The following DTNA variants were observed in gnomAD, a reference collection of about 807,000 sequenced individuals.
DTNA encodes the protein dystrophin-related protein 3.
A neutral mutation model predicts 100.7 loss-of-function variants in DTNA; 43 were observed. The ratio of observed to expected loss-of-function variants is 0.43; its 90% CI spans 0.33 to 0.55. DTNA has a LOEUF of 0.55. DTNA is among the 20% of genes least tolerant of loss of function. The pLI is 0.04. For missense variants in DTNA, 798 were observed against 953.9 expected (o/e 0.84, Z 2.15); for synonymous variants, 349 against 347.9 (o/e 1.00, Z -0.04).
intron 1 of DTNA, among the ~76,000 whole-genome samples, chr18:34,632,739 C>G (rs1384265325): frequency 2.6e-5 from 4 of 152,142 alleles, no homozygotes; most frequent in Non-Finnish European, 4.4e-5. Context: ...TTTTAATTCA[C>G]TAAAGATTTT....
chr18:34,866,460 CCTTCT>C, intron 17 of DTNA: 1 of 1,243,158 alleles, frequency 8.0e-7, no homozygotes, highest in Non-Finnish European at 1.0e-6. Context: ...TTGATCAGAC[CCTTCT>C]CTTAACAGAG....
intron 1 of DTNA, among the ~76,000 whole-genome samples, chr18:34,614,240 C>G: frequency 6.6e-6 from 1 of 152,282 alleles, no homozygotes; most frequent in African/African-American, 2.4e-5. Flanking sequence ...AGATAATGTT[C>G]AAAATATTAC....
intron 1 of DTNA, among the ~76,000 whole-genome samples, chr18:34,712,518 C>T (rs1410669010): frequency 6.6e-6 from 1 of 152,112 alleles, no homozygotes; most frequent in Non-Finnish European, 1.5e-5. Context: ...GATCTTTATT[C>T]ATCTGACATT....
At chr18:34,500,584 C>T (rs1225349743) in intron 1 of DTNA, among the ~76,000 whole-genome samples, 2 of 151,646 alleles carry the variant, frequency 1.3e-5, no homozygotes, top group African/African-American at 4.9e-5. Context: ...CTGCCTCAGC[C>T]TCCTGAGTAG....
intron 1 of DTNA, among the ~76,000 whole-genome samples, chr18:34,543,367 C>T (rs1046656771): frequency 6.6e-6 from 1 of 152,030 alleles, no homozygotes; most frequent in Non-Finnish European, 1.5e-5. Context: ...AGCTGTCTTT[C>T]AGCACACAAT....
In DTNA at chr18:34,881,437, C is replaced by CTTTT. The variant is rs752828928; in HGVS notation, c.2163-610_2163-607dup. 2.5e-3 allele frequency among the ~76,000 whole-genome samples: 130 copies of CTTTT among 51,396 alleles called. 17 individuals carry two copies. Among genetic ancestry groups the CTTTT allele is most frequent in the Middle Eastern group, 0.042 (2 of 48 alleles). The allele number at this position is 51,396 out of a possible 152,430, so 33.7% of individuals were successfully genotyped here. A position where few individuals can be genotyped will look rare whatever the true frequency, so the allele number is the denominator to read the frequency against. ...ATAGTGGAATTGGATAATTAAAATG[C>CTTTT]TTTTTTTTTTTTTTTTTTTTTTTTT... is the stretch of plus-strand genomic sequence containing the variant. On this transcript the variant is annotated intron_variant, in intron 20 of 22. Transcript: ENST00000444659.
intron 10 of DTNA, 80 bp downstream of exon 10, chr18:34,827,756 G>A: frequency 1.5e-6 from 2 of 1,370,716 alleles, no homozygotes; most frequent in Non-Finnish European, 2.1e-6. Context: ...ATATTCTCAT[G>A]CAAGCCAAGG....
intron 1 of DTNA, among the ~76,000 whole-genome samples, chr18:34,744,719 C>G (rs1426794068): frequency 6.6e-6 from 1 of 152,078 alleles, no homozygotes; most frequent in Non-Finnish European, 1.5e-5. Flanking sequence ...ATTGCACAAC[C>G]CGTGAACTCC....
chr18:34,855,657 G>C (rs1206159827), intron 15 of DTNA, among the ~76,000 whole-genome samples: 3 of 152,176 alleles, frequency 2.0e-5, no homozygotes, highest in African/African-American at 7.2e-5. Flanking sequence ...CAAGGTCAAA[G>C]GGGGCTTTGT....
At chr18:34,714,694 G>A (rs1271303126) in intron 1 of DTNA, among the ~76,000 whole-genome samples, 2 of 151,920 alleles carry the variant, frequency 1.3e-5, no homozygotes, top group Non-Finnish European at 2.9e-5. Context: ...CAGGGATCTA[G>A]AACTAGAAAT....
intron 3 of DTNA, among the ~76,000 whole-genome samples, chr18:34,788,007 G>T (rs2094568537): frequency 6.6e-6 from 1 of 152,140 alleles, no homozygotes; most frequent in Non-Finnish European, 1.5e-5. Context: ...GCCTTTCCTA[G>T]TATATTAATG....
At chr18:34,528,487 TAC>T (rs919718253) in intron 1 of DTNA, among the ~76,000 whole-genome samples, 1 of 152,006 alleles carries the variant, frequency 6.6e-6, no homozygotes, top group Non-Finnish European at 1.5e-5. Context: ...CATATATATA[TAC>T]ACACACATAT....
At chr18:34,782,586 G>C (rs9966287) in intron 3 of DTNA, among the ~76,000 whole-genome samples, 21,470 of 152,166 alleles carry the variant, frequency 0.14, 1,599 homozygotes, top group African/African-American at 0.17. Flanking sequence ...CATGTGAGTG[G>C]TACCTTGAGG....
intron 3 of DTNA, among the ~76,000 whole-genome samples, chr18:34,783,514 A>G (rs1272722552): frequency 6.6e-6 from 1 of 152,180 alleles, no homozygotes; most frequent in Non-Finnish European, 1.5e-5. Flanking sequence ...TAGCAAAGAG[A>G]ACTACCTTGG....
At chr18:34,555,887 C>A (rs539321650) in intron 1 of DTNA, among the ~76,000 whole-genome samples, 1 of 151,886 alleles carries the variant, frequency 6.6e-6, no homozygotes, top group African/African-American at 2.4e-5. Flanking sequence ...CTATTAGGTC[C>A]GCTTGGTGCA....
At chr18:34,676,253 A>T (rs2077382455) in intron 1 of DTNA, among the ~76,000 whole-genome samples, 3 of 152,038 alleles carry the variant, frequency 2.0e-5, no homozygotes, top group Admixed American at 2.0e-4. Flanking sequence ...CTCCAATTTG[A>T]GGGGGTCCTC....
chr18:34,767,092 T>C (rs1822335449), intron 3 of DTNA, among the ~76,000 whole-genome samples: 1 of 152,174 alleles, frequency 6.6e-6, no homozygotes, highest in South Asian at 2.1e-4. Flanking sequence ...TTTAAAAAGT[T>C]TACTTATTAA....
chr18:34,588,238 T>C (rs2049337215), intron 1 of DTNA, among the ~76,000 whole-genome samples: 1 of 152,118 alleles, frequency 6.6e-6, no homozygotes, highest in Admixed American at 6.5e-5. Flanking sequence ...GTAAAACCTC[T>C]CTTAAGTGTT....
At chr18:34,679,155 G>A (rs149913642) in intron 1 of DTNA, among the ~76,000 whole-genome samples, 323 of 152,240 alleles carry the variant, frequency 2.1e-3, no homozygotes, top group African/African-American at 7.7e-3. Flanking sequence ...TAAATCCATA[G>A]AGCTATATCA....
Sources: gnomAD v4.1 joint callset for allele counts (sites outside exome capture counted in the v4.1 genomes callset) on GRCh38, gnomAD v4.1.1 for gene constraint, MANE v1.5 for transcripts, NCBI Gene and HGNC (gene_info 2026-07-23, HGNC 2026-07-21) for gene names.